Variants in ZKSCAN5 observed in about 807,000 individuals in gnomAD.
ZKSCAN5 encodes zinc finger protein with KRAB and SCAN domains 5.
Under a neutral mutation model 60.0 loss-of-function variants are expected in ZKSCAN5, and 28 were observed. The ratio of observed to expected loss-of-function variants is 0.47; its 90% CI spans 0.35 to 0.64. The LOEUF is 0.64. Among genes scored for constraint, ZKSCAN5 ranks in the 30% least tolerant of loss-of-function variants. The probability of loss-of-function intolerance (pLI) is 0.01; values close to 1 mark genes in which losing one functional copy is unlikely to be tolerated. For missense variants in ZKSCAN5, 881 were observed against 1,034.6 expected (o/e 0.85, Z 2.04); for synonymous variants, 361 against 371.2 (o/e 0.97, Z 0.31).
Position 99,525,963 on chromosome 7 carries a change from G to A in ZKSCAN5, c.923G>A (p.Arg308Lys). The A allele has an allele frequency of 6.2e-7, 1 of 1,614,072 alleles. No individual in the cohort carries two copies. Among genetic ancestry groups the A allele is most frequent in the East Asian group, 2.2e-5 (1 of 44,856 alleles). Residue 308 changes from arginine (R) to lysine (K), a missense_variant, in exon 6 of 7, where the codon AGG becomes AAG. By Grantham distance (26) the Arg-to-Lys change is conservative (BLOSUM62 2). This residue lies in a region of ZKSCAN5 where 490 missense variants were observed against 554.5 expected (regional missense o/e 0.88). Coordinates refer to ENST00000326775, the MANE Select transcript of ZKSCAN5 (RefSeq NM_145102.4). The part of the protein sequence containing the change: ...EVSDLKGMVQ[R>K]WQVNPTVGKS... Reference sequence around the variant, plus strand: ...AGTGACCTTAAAGGCATGGTACAAAGGTGGCAGGTCAACCCCACTGTGGGG... The same window carrying A: ...AGTGACCTTAAAGGCATGGTACAAAAGTGGCAGGTCAACCCCACTGTGGGG...
At position 99,526,520 on chromosome 7, in the gene ZKSCAN5, G is replaced by C. The variant is rs774379876; in HGVS notation, c.1378+102G>C. 3.7e-5 allele frequency: 55 copies of C among 1,493,172 alleles called. No individual in the cohort carries two copies. The Admixed American group carries it at 3.8e-4, about 10-fold the overall frequency. 92.5% of individuals were successfully genotyped at this position (1,493,172 alleles called of 1,614,324 possible). ...GGACAGATGGGTGGTGATACTGGGGGGGGTAGGAAGAGGCAAAGGTTATCG... is the reference window on the plus strand; with the variant it reads ...GGACAGATGGGTGGTGATACTGGGGCGGGTAGGAAGAGGCAAAGGTTATCG... On this transcript the variant is annotated intron_variant, in intron 6 of 6. Transcript: ENST00000326775.
intron 5 of ZKSCAN5, among the ~76,000 whole-genome samples, chr7:99,521,493 C>T (rs754410136): frequency 1.3e-5 from 2 of 152,026 alleles, no homozygotes; most frequent in African/African-American, 2.4e-5. Context: ...CACCATGCCC[C>T]GCCCACAATG....
chr7:99,526,594 G>A (rs1165884300), intron 6 of ZKSCAN5, among the ~76,000 whole-genome samples, 176 bp downstream of exon 6: 4 of 152,048 alleles, frequency 2.6e-5, no homozygotes, highest in Admixed American at 2.6e-4. Context: ...TCGCTCTGTC[G>A]CCCAGGCTGG....
Position 99,533,865 on chromosome 7 carries a change from T to A in ZKSCAN5, c.*1616T>A, listed in dbSNP as rs1327029630. On this transcript the variant is annotated 3_prime_UTR_variant, in exon 7 of 7. Coordinates refer to ENST00000326775, the MANE Select transcript of ZKSCAN5 (RefSeq NM_145102.4). The stretch of plus-strand genomic sequence containing the variant: ...GTCTCAGGCTCTGCTTTAGAGAACC[T>A]GATCTAAGACATTTGGTGCCACAAG... 1 of 364,998 alleles carries A rather than the reference T, an allele frequency of 2.7e-6. No homozygotes were observed. The highest frequency in any genetic ancestry group is 4.9e-6 in the Non-Finnish European group (1 of 205,362). 22.6% of individuals were successfully genotyped at this position (364,998 alleles called of 1,614,324 possible). A position where few individuals can be genotyped will look rare whatever the true frequency, so the allele number is the denominator to read the frequency against.
rs1802048955 is a variant in ZKSCAN5, at chr7:99,531,614, G to A, written c.1885G>A (p.Gly629Arg). The A allele has an allele frequency of 6.2e-7, 1 of 1,614,198 alleles. No homozygotes were observed. The highest frequency in any genetic ancestry group is 8.5e-7 in the Non-Finnish European group (1 of 1,180,036). Residue 629 changes from glycine (G) to arginine (R), a missense_variant, in exon 7 of 7, where the codon GGG becomes AGG. Physicochemically the swap from Gly to Arg is moderately radical, Grantham distance 125. This residue lies in a region of ZKSCAN5 where 112 missense variants were observed against 182.4 expected (regional missense o/e 0.61). Coordinates refer to ENST00000326775, the MANE Select transcript of ZKSCAN5 (RefSeq NM_145102.4). Reference sequence around the variant, plus strand: ...TGTTCAGCATCAGAGCGTGCACAGTGGGGAGAGACCCTTCAAGTGTAACGA... The same window carrying A: ...TGTTCAGCATCAGAGCGTGCACAGTAGGGAGAGACCCTTCAAGTGTAACGA... Reference protein sequence around the residue: ...HLVQHQSVHSGERPFKCNECG... With the variant: ...HLVQHQSVHSRERPFKCNECG...
chr7:99,533,865 T>C lies in ZKSCAN5; in HGVS notation c.*1616T>C. 2.7e-6 allele frequency: 1 copy of C among 365,116 alleles called. No individual in the cohort carries two copies. Among genetic ancestry groups the C allele is most frequent in the South Asian group, 1.5e-4 (1 of 6,726 alleles). The allele number at this position is 365,116 out of a possible 1,614,324, so 22.6% of individuals were successfully genotyped here. On this transcript the variant is annotated 3_prime_UTR_variant, in exon 7 of 7. Transcript: ENST00000326775. ...GTCTCAGGCTCTGCTTTAGAGAACC[T>C]GATCTAAGACATTTGGTGCCACAAG...
rs1170677441 is a variant in ZKSCAN5 at position 99,526,403 on chromosome 7, G to A, written c.1363G>A (p.Glu455Lys). The A allele has an allele frequency of 6.3e-7, 1 of 1,599,706 alleles. No individual in the cohort carries two copies. Among genetic ancestry groups the A allele is most frequent in the Non-Finnish European group, 8.5e-7 (1 of 1,179,458 alleles). The change falls in exon 6 of 7, where the codon GAG (glutamate) becomes AAG (lysine). Residue 455 changes from glutamate (E) to lysine (K), a missense_variant. This residue lies in a region of ZKSCAN5 where 490 missense variants were observed against 554.5 expected (regional missense o/e 0.88). Coordinates refer to ENST00000326775, the MANE Select transcript of ZKSCAN5 (RefSeq NM_145102.4). The stretch of plus-strand genomic sequence containing the variant: ...CGAACACCTAAAACGCCACTTCAGG[G>A]AGAAATCCCAGAGATGTACGTGTGA... Reference protein sequence around the residue: ...LIEHLKRHFREKSQRCSDKRS... With the variant: ...LIEHLKRHFRKKSQRCSDKRS...
At chr7:99,509,745 T>C (rs1250589663) in intron 2 of ZKSCAN5, among the ~76,000 whole-genome samples, 10 of 152,128 alleles carry the variant, frequency 6.6e-5, no homozygotes, top group Non-Finnish European at 1.2e-4. Context: ...GGATTACAGG[T>C]GTAAGCCACT....
At position 99,531,745 on chromosome 7, in the gene ZKSCAN5, G is replaced by A; in HGVS notation, c.2016G>A (p.Gln672=). Residue 672 remains glutamine (Q), a synonymous_variant, in exon 7 of 7, where the codon CAG becomes CAA. Coordinates refer to ENST00000326775, the MANE Select transcript of ZKSCAN5 (RefSeq NM_145102.4). Reference sequence around the variant, plus strand: ...GTGAATGTGGGGAAATCTTTTTTCAGTACGTTAGCCTAATTGAACATCAGG... The same window carrying A: ...GTGAATGTGGGGAAATCTTTTTTCAATACGTTAGCCTAATTGAACATCAGG... ...QCRECGEIFF[Q]YVSLIEHQVL... The A allele has an allele frequency of 6.2e-7, 1 of 1,614,154 alleles. No homozygotes were observed. Among genetic ancestry groups the A allele is most frequent in the Non-Finnish European group, 8.5e-7 (1 of 1,180,032 alleles).
rs938042439 is a variant in ZKSCAN5, at chr7:99,531,121, A to G, written c.1392A>G (p.Arg464=). 1.8e-5 allele frequency: 29 copies of G among 1,582,730 alleles called. No homozygotes were observed. The highest frequency in any genetic ancestry group is 3.4e-4 in the Middle Eastern group (2 of 5,894). ...REKSQRCSDK[R]SKNTKLSVKK... ...TATTTTTTTTAGGCAGTGACAAAAGAAGTAAGAACACAAAATTAAGTGTTA... is the reference window on the plus strand; with the variant it reads ...TATTTTTTTTAGGCAGTGACAAAAGGAGTAAGAACACAAAATTAAGTGTTA... The change falls in exon 7 of 7, where the codon AGA becomes AGG. Residue 464 remains arginine, a synonymous_variant. Coordinates refer to ENST00000326775, the MANE Select transcript of ZKSCAN5 (RefSeq NM_145102.4).
intron 3 of ZKSCAN5, among the ~76,000 whole-genome samples, chr7:99,518,898 A>ACTCCTGACCTTGTGATCTGCCTGC (rs1439855570): frequency 6.7e-6 from 1 of 150,210 alleles, no homozygotes. Context: ...CTGGTCTCTA[A>ACTCCTGACCTTGTGATCTGCCTGC]CTCCTGACCT....
In ZKSCAN5 at chr7:99,533,792, G is replaced by C. The variant is rs1023592776; in HGVS notation, c.*1543G>C. Reference sequence around the variant, plus strand: ...TCCTGTTTCATTCCCTCCCTCAAAGGCGTTTCCCAAATAAATCACACTGTC... The same window carrying C: ...TCCTGTTTCATTCCCTCCCTCAAAGCCGTTTCCCAAATAAATCACACTGTC... On this transcript the variant is annotated 3_prime_UTR_variant, in exon 7 of 7. Transcript: ENST00000326775. 1.0e-5 allele frequency: 4 copies of C among 396,512 alleles called. No individual in the cohort carries two copies. The highest frequency in any genetic ancestry group is 1.8e-5 in the Non-Finnish European group (4 of 225,514). The allele number at this position is 396,512 out of a possible 1,614,324, so 24.6% of individuals were successfully genotyped here. A position where few individuals can be genotyped will look rare whatever the true frequency, so the allele number is the denominator to read the frequency against.
At chr7:99,512,628 A>T (rs1169526639) in intron 3 of ZKSCAN5, 37 bp downstream of exon 3, 2 of 1,601,946 alleles carry the variant, frequency 1.2e-6, no homozygotes, top group East Asian at 4.5e-5. Flanking sequence ...GATATAGCTC[A>T]AGAGTGGGTG....
chr7:99,515,833 CAAAAA>C (rs1165846971), intron 3 of ZKSCAN5, among the ~76,000 whole-genome samples: 1 of 66,776 alleles, frequency 1.5e-5, no homozygotes. Context: ...GACTCCATCT[CAAAAA>C]AAAAAAAAAA....
chr7:99,533,205 G>T lies in ZKSCAN5; in HGVS notation c.*956G>T. 1 of 650,892 alleles carries T rather than the reference G, an allele frequency of 1.5e-6. No homozygotes were observed. The highest frequency in any genetic ancestry group is 2.8e-6 in the Non-Finnish European group (1 of 352,208). The allele number at this position is 650,892 out of a possible 1,614,324, so 40.3% of individuals were successfully genotyped here. Reference sequence around the variant, plus strand: ...CTCTCCTGTAGAGTGGTGATATACAGAATGAGTTTCAGTTTGCATTGCAGC... The same window carrying T: ...CTCTCCTGTAGAGTGGTGATATACATAATGAGTTTCAGTTTGCATTGCAGC... On this transcript the variant is annotated 3_prime_UTR_variant, in exon 7 of 7. Transcript: ENST00000326775.
In ZKSCAN5 at chr7:99,525,907, C is replaced by G. The variant is rs369038270; in HGVS notation, c.867C>G (p.Ser289Arg). ...TGGCGCCAGAACACACCGAAAGGAG[C>G]GTTCCTCAGGATCCAGACTTTGCAG... is the stretch of plus-strand genomic sequence containing the variant. ...HWVAPEHTER[S>R]VPQDPDFAEV... The change falls in exon 6 of 7, where the codon AGC becomes AGG. Residue 289 changes from serine (S) to arginine (R), a missense_variant. By Grantham distance (110) the Ser-to-Arg change is moderately radical (BLOSUM62 -1). This residue lies in a region of ZKSCAN5 where 490 missense variants were observed against 554.5 expected (regional missense o/e 0.88). Transcript: ENST00000326775. 2 of 1,614,034 alleles carry G rather than the reference C, an allele frequency of 1.2e-6. No individual in the cohort carries two copies. Among genetic ancestry groups the G allele is most frequent in the African/African-American group, 2.7e-5 (2 of 75,002 alleles).
chr7:99,512,731 C>G (rs1170080646), intron 3 of ZKSCAN5, 140 bp downstream of exon 3: 1 of 1,088,292 alleles, frequency 9.2e-7, no homozygotes. Flanking sequence ...AGGGAAAGGC[C>G]AGGGACCTGG....
At chr7:99,527,841 T>C (rs780760001) in intron 6 of ZKSCAN5, among the ~76,000 whole-genome samples, 9 of 152,100 alleles carry the variant, frequency 5.9e-5, no homozygotes, top group East Asian at 1.9e-4. Context: ...TTTGCCACCA[T>C]ACCTGGCTAA....
intron 3 of ZKSCAN5, 89 bp from the exon 4 acceptor site, chr7:99,519,738 T>C: frequency 7.5e-7 from 1 of 1,327,640 alleles, no homozygotes; most frequent in Admixed American, 1.8e-5. Flanking sequence ...GTAGGGGCCA[T>C]TATGGATTCC....
Sources: gnomAD v4.1 joint callset for allele counts (sites outside exome capture counted in the v4.1 genomes callset) on GRCh38, gnomAD v4.1.1 for gene constraint, gnomAD v4.1.1 regional missense constraint, MANE v1.5 for transcripts, NCBI Gene and HGNC (gene_info 2026-07-23, HGNC 2026-07-21) for gene names.